The following MYOM2 variants were observed in gnomAD, a reference collection of about 807,000 sequenced individuals.
MYOM2 encodes the protein myomesin 2, also known as myomesin-2.
Under a neutral mutation model 187.6 loss-of-function variants are expected in MYOM2, and 254 were observed. The observed-to-expected ratio is 1.35, with a 90% CI of 1.22 to 1.50. MYOM2 has a LOEUF of 1.50. MYOM2 is among the 40% of genes most tolerant of loss of function. The probability of loss-of-function intolerance (pLI) is 0.00; values close to 1 mark genes in which losing one functional copy is unlikely to be tolerated. For missense variants in MYOM2, 2,796 were observed against 1,924.0 expected (o/e 1.45, Z -8.48); for synonymous variants, 981 against 753.8 (o/e 1.30, Z -4.94).
At chr8:2,073,219 T>A in intron 9 of MYOM2, 120 bp from the exon 10 acceptor site, 1 of 1,112,020 alleles carries the variant, frequency 9.0e-7, no homozygotes, top group Non-Finnish European at 1.3e-6. Flanking sequence ...AGGCTCTGCC[T>A]TCCGTGGTGT....
intron 6 of MYOM2, among the ~76,000 whole-genome samples, chr8:2,068,734 T>C (rs1035975671): frequency 6.6e-6 from 1 of 152,196 alleles, no homozygotes; most frequent in Non-Finnish European, 1.5e-5. Context: ...CGACTCCCTG[T>C]ATGGGAACGG....
At chr8:2,071,752 T>C (rs1187615425) in intron 8 of MYOM2, among the ~76,000 whole-genome samples, 3 of 152,092 alleles carry the variant, frequency 2.0e-5, no homozygotes, top group Non-Finnish European at 4.4e-5. Flanking sequence ...ACACTTATCC[T>C]CTCTGTTCTG....
At chr8:2,062,397 G>T (rs1283989419) in intron 6 of MYOM2, among the ~76,000 whole-genome samples, 2 of 152,166 alleles carry the variant, frequency 1.3e-5, no homozygotes, top group African/African-American at 4.8e-5. Context: ...GGAGCGGGAG[G>T]GAGCAGGGGA....
In MYOM2 at chr8:2,085,537, G is replaced by T. The variant is rs954365335; in HGVS notation, c.1644+147G>T. 1.7e-3 allele frequency: 594 copies of T among 357,294 alleles called. 13 individuals are homozygous for T. Among genetic ancestry groups the T allele is most frequent in the Middle Eastern group, 4.1e-3 (5 of 1,218 alleles). The allele number at this position is 357,294 out of a possible 1,614,324, so 22.1% of individuals were successfully genotyped here. A position where few individuals can be genotyped will look rare whatever the true frequency, so the allele number is the denominator to read the frequency against. ...GTGGCCCCCCACTGTTGTGATCTCT[G>T]CGTGGCCCCACTGTCATGATCTCTG... On this transcript the variant is annotated intron_variant, in intron 14 of 36. Coordinates refer to ENST00000262113, the MANE Select transcript of MYOM2 (RefSeq NM_003970.4).
intron 27 of MYOM2, among the ~76,000 whole-genome samples, chr8:2,117,132 TAAAATC>T (rs1797276033): frequency 1.3e-5 from 2 of 150,358 alleles, no homozygotes; most frequent in Admixed American, 6.7e-5. Flanking sequence ...TTATGAAACA[TAAAATC>T]AAAACATTCA....
intron 17 of MYOM2, among the ~76,000 whole-genome samples, chr8:2,095,801 C>G (rs957784774): frequency 2.6e-5 from 4 of 152,168 alleles, no homozygotes; most frequent in Admixed American, 2.6e-4. Context: ...TGAAGTTCCT[C>G]TAACTGTGCA....
Position 2,062,941 on chromosome 8 carries a change from G to A in MYOM2, c.653+3696G>A, listed in dbSNP as rs1402768516. 4.6e-5 allele frequency among the ~76,000 whole-genome samples: 7 copies of A among 152,190 alleles called. 1 individual carries two copies. The highest frequency in any genetic ancestry group is 2.0e-4 in the Admixed American group (3 of 15,282). ...ATTGGGCACCACATGGGCTTCGAAC[G>A]GAATGGACTAATTTGTGAGATAAAG... On this transcript the variant is annotated intron_variant, in intron 6 of 36. Transcript: ENST00000262113.
chr8:2,058,114 G>C (rs1359300933), intron 5 of MYOM2, among the ~76,000 whole-genome samples: 1 of 139,868 alleles, frequency 7.1e-6, no homozygotes, highest in Admixed American at 8.2e-5. Flanking sequence ...CACTTCCCTG[G>C]TTTAAGTGAT....
At chr8:2,061,384 T>C (rs1329774982) in intron 6 of MYOM2, among the ~76,000 whole-genome samples, 5 of 152,182 alleles carry the variant, frequency 3.3e-5, no homozygotes, top group Admixed American at 2.0e-4. Context: ...TGGCAGAAAG[T>C]TGGGCTCTGC....
At chr8:2,073,263 C>T (rs1819297438) in intron 9 of MYOM2, 76 bp from the exon 10 acceptor site, 13 of 1,504,074 alleles carry the variant, frequency 8.6e-6, no homozygotes, top group South Asian at 1.3e-5. Flanking sequence ...TCTGAGACGA[C>T]GCTGGTGTCC....
In MYOM2 at chr8:2,090,169, C is replaced by G. The variant is rs375288771; in HGVS notation, c.1806C>G (p.Pro602=). Reference sequence around the variant, plus strand: ...GCGAACCTTCGGAGATAACGTCCCCCATTCAGGCCCAGGATGTGACCGGTG... The same window carrying G: ...GCGAACCTTCGGAGATAACGTCCCCGATTCAGGCCCAGGATGTGACCGGTG... ...GLSEPSEITS[P]IQAQDVTVVP... Residue 602 remains proline, a synonymous_variant, in exon 15 of 37, where the codon CCC becomes CCG. Coordinates refer to ENST00000262113, the MANE Select transcript of MYOM2 (RefSeq NM_003970.4). 3 of 1,613,762 alleles carry G rather than the reference C, an allele frequency of 1.9e-6. No individual in the cohort carries two copies. The highest frequency in any genetic ancestry group is 2.5e-6 in the Non-Finnish European group (3 of 1,179,874).
At chr8:2,072,955 G>A (rs1184139993) in intron 9 of MYOM2, among the ~76,000 whole-genome samples, 6 of 152,228 alleles carry the variant, frequency 3.9e-5, no homozygotes, top group Admixed American at 2.0e-4. Flanking sequence ...CTTTGGAGAT[G>A]TGACAGTAGC....
intron 28 of MYOM2, among the ~76,000 whole-genome samples, chr8:2,120,428 C>T (rs545751711): frequency 3.3e-5 from 5 of 151,182 alleles, no homozygotes; most frequent in African/African-American, 1.2e-4. Context: ...TGGGGACCTG[C>T]CGTGAAGAGC....
intron 28 of MYOM2, among the ~76,000 whole-genome samples, chr8:2,120,666 A>AT (rs1459703301): frequency 3.2e-3 from 2 of 626 alleles, no homozygotes; most frequent in African/African-American, 7.8e-3. Context: ...CTGTATATAT[A>AT]TATATATATT....
intron 14 of MYOM2, 56 bp downstream of exon 14, chr8:2,085,446 C>CGTGTTTGCTGTGTTTTAAAG: frequency 6.4e-7 from 1 of 1,567,186 alleles, no homozygotes; most frequent in South Asian, 1.2e-5. Flanking sequence ...CCCCCACTGT[C>CGTGTTTGCTGTGTTTTAAAG]ATGATCTCTG....
intron 31 of MYOM2, among the ~76,000 whole-genome samples, chr8:2,126,217 G>A (rs2116868925): frequency 6.6e-6 from 1 of 152,274 alleles, no homozygotes; most frequent in East Asian, 1.9e-4. Context: ...GTTGGGAGTT[G>A]GATAGGGACA....
chr8:2,106,735 A>G (rs1289446595), intron 23 of MYOM2, 138 bp downstream of exon 23: 3 of 617,498 alleles, frequency 4.9e-6, no homozygotes, highest in African/African-American at 1.8e-5. Flanking sequence ...CTATGTATAT[A>G]AGCCAAAACT....
At chr8:2,074,894 T>C (rs1819365002) in intron 10 of MYOM2, among the ~76,000 whole-genome samples, 1 of 152,240 alleles carries the variant, frequency 6.6e-6, no homozygotes, top group East Asian at 1.9e-4. Flanking sequence ...AGAGCGCTCC[T>C]GCGCCATGTA....
intron 32 of MYOM2, among the ~76,000 whole-genome samples, chr8:2,135,916 G>C (rs1479820186): frequency 6.6e-6 from 1 of 152,220 alleles, no homozygotes; most frequent in African/African-American, 2.4e-5. Flanking sequence ...AGCCAAATGA[G>C]TGGGCGTGGG....
Sources: allele counts gnomAD v4.1 joint callset (sites outside exome capture counted in the v4.1 genomes callset), GRCh38; gene constraint gnomAD v4.1.1; transcripts MANE v1.5; gene names NCBI Gene and HGNC (gene_info 2026-07-23, HGNC 2026-07-21).